The following RBM7 variants were observed in gnomAD, a reference collection of about 807,000 sequenced individuals.
RBM7 encodes the protein RNA binding motif protein 7, also known as RNA-binding protein 7.
Under a neutral mutation model 31.0 loss-of-function variants are expected in RBM7, and 13 were observed. That is an observed-to-expected ratio of 0.42 (90% CI 0.27 to 0.67). RBM7 has a LOEUF of 0.67. RBM7 is among the 30% of genes least tolerant of loss of function. The pLI is 0.24. For synonymous variants in RBM7, 106 were observed against 111.2 expected (o/e 0.95, Z 0.30); for missense variants, 245 against 326.2 (o/e 0.75, Z 1.92).
At chr11:114,401,902 T>A in intron 2 of RBM7, 42 bp downstream of exon 2, 1 of 1,511,122 alleles carries the variant, frequency 6.6e-7, no homozygotes, top group Non-Finnish European at 8.8e-7. Context: ...TTTCCTGCTG[T>A]TTTTAAATTT....
chr11:114,402,208 G>T, intron 2 of RBM7: 1 of 198,026 alleles, frequency 5.0e-6, no homozygotes, highest in Non-Finnish European at 1.0e-5. Flanking sequence ...TTTGGTTCTT[G>T]ATCATGTGAG....
Position 114,401,796 on chromosome 11 carries a change from T to C in RBM7, c.195T>C (p.Tyr65=), listed in dbSNP as rs1211644896. Residue 65 remains tyrosine, a synonymous_variant, in exon 2 of 5, where the codon TAT becomes TAC. Transcript: ENST00000375490. ...TCAAACATGAAGTGTCTGTTCCTTA[T>C]GCAATGAATCTACTTAATGGAATCA... ...VNFKHEVSVP[Y]AMNLLNGIKL... is the part of the protein sequence containing the mutation. 2 of 1,591,506 alleles carry C rather than the reference T, an allele frequency of 1.3e-6. No homozygotes were observed. The highest frequency in any genetic ancestry group is 3.7e-5 in the Admixed American group (2 of 54,682).
intron 3 of RBM7, 101 bp downstream of exon 3, chr11:114,403,016 C>G (rs1444152728): frequency 9.8e-7 from 1 of 1,015,928 alleles, no homozygotes; most frequent in Admixed American, 1.8e-5. Flanking sequence ...ATTCTCTTAT[C>G]TCTTCATTCT....
At chr11:114,407,400 T>C (rs1448802995) in intron 4 of RBM7, 45 bp from the exon 5 acceptor site, 2 of 1,551,930 alleles carry the variant, frequency 1.3e-6, no homozygotes, top group African/African-American at 1.4e-5. Flanking sequence ...CATATTAGCT[T>C]TGATATCTAG....
rs375606945 is a variant in RBM7, at chr11:114,405,846, T to G, written c.441+47T>G. The stretch of plus-strand genomic sequence containing the variant: ...TTGAATTGCCAAAAAAAAATCATCC[T>G]TAGTTAAAATGTTCGCATTGTATCA... On this transcript the variant is annotated intron_variant, in intron 4 of 4. Coordinates refer to ENST00000375490, the MANE Select transcript of RBM7 (RefSeq NM_001286045.2). 2.3e-6 allele frequency: 3 copies of G among 1,306,206 alleles called. No homozygotes were observed. In the African/African-American group the frequency reaches 4.5e-5, roughly 20 times the overall value. 80.9% of individuals were successfully genotyped at this position (1,306,206 alleles called of 1,614,324 possible). A position where few individuals can be genotyped will look rare whatever the true frequency, so the allele number is the denominator to read the frequency against.
rs775073138 is a variant in RBM7, at chr11:114,400,737, C to G, written c.66C>G (p.Thr22=). The change falls in exon 1 of 5, where the codon ACC becomes ACG. Residue 22 remains threonine, a synonymous_variant. Transcript: ENST00000375490. ...LFVGNLETKV[T]EELLFELFHQ... is the part of the protein sequence containing the mutation. ...TGGGCAACCTTGAAACGAAAGTGAC[C>G]GAGGAGCTCCTTTTCGAGCTTTTCC... The G allele has an allele frequency of 2.5e-5, 41 of 1,614,074 alleles. No individual in the cohort carries two copies. The highest frequency in any genetic ancestry group is 3.3e-5 in the Non-Finnish European group (39 of 1,180,054).
intron 2 of RBM7, 183 bp downstream of exon 2, chr11:114,402,043 T>C (rs1401369110): frequency 1.8e-6 from 1 of 565,988 alleles, no homozygotes; most frequent in Non-Finnish European, 2.9e-6. Flanking sequence ...GATTTTGAAA[T>C]TAGAATTTCA....
chr11:114,403,311 T>TA (rs1397777601), intron 3 of RBM7, among the ~76,000 whole-genome samples: 1 of 152,236 alleles, frequency 6.6e-6, no homozygotes, highest in East Asian at 1.9e-4. Context: ...GGTTGTTACT[T>TA]ACAGTTGAAA....
At position 114,410,534 on chromosome 11, in the gene RBM7, A is replaced by G. The variant is rs1326139457; in HGVS notation, c.*2727A>G. The G allele has an allele frequency of 6.6e-6, 1 of 152,196 alleles. No individual in the cohort carries two copies. Among genetic ancestry groups the G allele is most frequent in the Non-Finnish European group, 1.5e-5 (1 of 68,036 alleles). 9.4% of individuals were successfully genotyped at this position (152,196 alleles called of 1,614,324 possible). A position where few individuals can be genotyped will look rare whatever the true frequency, so the allele number is the denominator to read the frequency against. On this transcript the variant is annotated 3_prime_UTR_variant, in exon 5 of 5. Transcript: ENST00000375490. ...TCCTGCTTCCAGTCTTCTTTCCTCA[A>G]ATTTATTCCACACTCTTAAGAATTG...
At position 114,410,029 on chromosome 11, in the gene RBM7, A is replaced by T. The variant is rs748996207; in HGVS notation, c.*2222A>T. On this transcript the variant is annotated 3_prime_UTR_variant, in exon 5 of 5. Transcript: ENST00000375490. The stretch of plus-strand genomic sequence containing the variant: ...AGGTCCGGAAATCCACAGTGCTCCA[A>T]TGAGCCTTTCCCCTGAGTGTCACAT... 4 of 152,168 alleles carry T rather than the reference A, an allele frequency of 2.6e-5. No individual in the cohort carries two copies. Among genetic ancestry groups the T allele is most frequent in the Non-Finnish European group, 4.4e-5 (3 of 68,046 alleles). The allele number at this position is 152,168 out of a possible 1,614,324, so 9.4% of individuals were successfully genotyped here.
intron 1 of RBM7, 21 bp downstream of exon 1, chr11:114,400,788 C>T (rs750912696): frequency 1.2e-6 from 2 of 1,613,902 alleles, no homozygotes; most frequent in South Asian, 1.1e-5. Flanking sequence ...GGGTTCGGCC[C>T]TTTGCCTTTC....
At chr11:114,406,116 G>C (rs1946263170) in intron 4 of RBM7, 1 of 236,962 alleles carries the variant, frequency 4.2e-6, no homozygotes, top group Non-Finnish European at 8.2e-6. Context: ...ATTGTCTGAT[G>C]CTCCTGTACC....
Position 114,407,716 on chromosome 11 carries a change from A to T in RBM7, c.713A>T (p.Tyr238Phe). ...AGAGGAAAGAGAGATGATTTCTTCT[A>T]TGAAGACAGGAATCATGATGACTGG... ...HYRGKRDDFF[Y>F]EDRNHDDWSH... Residue 238 changes from tyrosine to phenylalanine, a missense_variant, in exon 5 of 5, where the codon TAT becomes TTT. By Grantham distance (22) the Tyr-to-Phe change is conservative. Transcript: ENST00000375490. 8 of 1,614,070 alleles carry T rather than the reference A, an allele frequency of 5.0e-6. No individual in the cohort carries two copies. The highest frequency in any genetic ancestry group is 1.1e-5 in the South Asian group (1 of 91,086).
chr11:114,402,162 A>G (rs1010565445), intron 2 of RBM7: 1 of 244,882 alleles, frequency 4.1e-6, no homozygotes, highest in African/African-American at 2.3e-5. Flanking sequence ...TTCTGAAAAT[A>G]CTTCTCCTGG....
At position 114,407,886 on chromosome 11, in the gene RBM7, A is replaced by C; in HGVS notation, c.*79A>C. 6.9e-7 allele frequency: 1 copy of C among 1,447,940 alleles called. No homozygotes were observed. The highest frequency in any genetic ancestry group is 9.2e-7 in the Non-Finnish European group (1 of 1,087,188). The allele number at this position is 1,447,940 out of a possible 1,614,324, so 89.7% of individuals were successfully genotyped here. A position where few individuals can be genotyped will look rare whatever the true frequency, so the allele number is the denominator to read the frequency against. On this transcript the variant is annotated 3_prime_UTR_variant, in exon 5 of 5. Transcript: ENST00000375490. ...GTTGATATGGAAATATTTTGTTGAAAAACTGTACAGAGCAGCTTTACAAGT... is the reference window on the plus strand; with the variant it reads ...GTTGATATGGAAATATTTTGTTGAACAACTGTACAGAGCAGCTTTACAAGT...
intron 1 of RBM7, 37 bp downstream of exon 1, chr11:114,400,804 C>T: frequency 6.2e-7 from 1 of 1,612,322 alleles, no homozygotes; most frequent in Non-Finnish European, 8.5e-7. Flanking sequence ...CTTTCGTTTT[C>T]CGTCTCGCCT....
In RBM7 at chr11:114,401,835, G is replaced by T. The variant is rs766894526; in HGVS notation, c.234G>T (p.Arg78Ser). 1.3e-6 allele frequency: 2 copies of T among 1,591,362 alleles called. No individual in the cohort carries two copies. Among genetic ancestry groups the T allele is most frequent in the Non-Finnish European group, 1.7e-6 (2 of 1,172,376 alleles). ...TTAATGGAATCAAACTTTATGGAAG[G>T]CCTATCAAAATTCAATTTAGATCAG... Reference protein sequence around the residue: ...NLLNGIKLYGRPIKIQFRSGS... With the variant: ...NLLNGIKLYGSPIKIQFRSGS... Residue 78 changes from arginine to serine, a missense_variant, in exon 2 of 5, where the codon AGG (arginine) becomes AGT (serine). Coordinates refer to ENST00000375490, the MANE Select transcript of RBM7 (RefSeq NM_001286045.2).
rs769519996 is a variant in RBM7 at position 114,407,787 on chromosome 11, T to G, written c.784T>G (p.Trp262Gly). The change falls in exon 5 of 5, where the codon TGG (tryptophan) becomes GGG (glycine). Residue 262 changes from tryptophan (W) to glycine (G), a missense_variant. By Grantham distance (184) the Trp-to-Gly change is radical. Coordinates refer to ENST00000375490, the MANE Select transcript of RBM7 (RefSeq NM_001286045.2). ...NRRDSSRDGK[W>G]RSSRH ...AAGAGACAGTAGTAGAGATGGAAAA[T>G]GGCGCTCATCTCGACACTAACACAT... 1.6e-5 allele frequency: 25 copies of G among 1,609,066 alleles called. 1 individual carries two copies. In the South Asian group the frequency reaches 2.7e-4, roughly 18 times the overall value.
At position 114,408,925 on chromosome 11, in the gene RBM7, A is replaced by AT. The variant is rs534414948; in HGVS notation, c.*1131dup. On this transcript the variant is annotated 3_prime_UTR_variant, in exon 5 of 5. Transcript: ENST00000375490. ...AAATATAAAAGGAAGGGTGTGTGTT[A>AT]TTTTTTTTTTTTTATGTCACTGACT... The AT allele has an allele frequency of 6.1e-3, 878 of 144,548 alleles. 7 individuals are homozygous for AT. The highest frequency in any genetic ancestry group is 0.021 in the East Asian group (108 of 5,090). 9.0% of individuals were successfully genotyped at this position (144,548 alleles called of 1,614,324 possible).
Sources: allele counts gnomAD v4.1 joint callset (sites outside exome capture counted in the v4.1 genomes callset), GRCh38; gene constraint gnomAD v4.1.1; transcripts MANE v1.5; gene names NCBI Gene and HGNC (gene_info 2026-07-23, HGNC 2026-07-21).